The following ARMC6 variants were observed in gnomAD, a reference collection of about 807,000 sequenced individuals.
ARMC6 encodes the protein armadillo repeat-containing protein 6.
A neutral mutation model predicts 49.2 loss-of-function variants in ARMC6; 43 were observed. The ratio of observed to expected loss-of-function variants is 0.87; its 90% CI spans 0.69 to 1.13. The LOEUF (loss-of-function observed/expected upper bound fraction) is 1.13, where lower values mean the gene tolerates loss of function less well. ARMC6 is among the 50% of genes most tolerant of loss of function. The pLI is 0.00. For synonymous variants in ARMC6, 262 were observed against 289.6 expected, an observed-to-expected ratio of 0.90 and a Z score of 0.97; for missense variants, 627 against 682.0, an observed-to-expected ratio of 0.92 and a Z score of 0.90.
chr19:19,053,785 C>T (rs1327376809), intron 5 of ARMC6, among the ~76,000 whole-genome samples: 2 of 151,940 alleles, frequency 1.3e-5, no homozygotes, highest in African/African-American at 4.8e-5. Context: ...TCTGGAGTTT[C>T]CTGTTGCACT....
intron 5 of ARMC6, among the ~76,000 whole-genome samples, chr19:19,052,900 A>C (rs1471843176): frequency 6.6e-6 from 1 of 152,216 alleles, no homozygotes; most frequent in Non-Finnish European, 1.5e-5. Flanking sequence ...GCTGAAAATG[A>C]GTCCCGACCT....
chr19:19,051,720 C>T lies in ARMC6; in HGVS notation c.378C>T (p.Ala126=). The T allele has an allele frequency of 6.2e-7, 1 of 1,614,028 alleles. No individual in the cohort carries two copies. Among genetic ancestry groups the T allele is most frequent in the Non-Finnish European group, 8.5e-7 (1 of 1,180,044 alleles). ...RFCDQCKQDK[A]CRFLAAQKGA... The stretch of plus-strand genomic sequence containing the variant: ...GCGACCAGTGCAAACAGGACAAGGC[C>T]TGCCGCTTCCTCGCGGCCCAGAAGG... Residue 126 remains alanine (A), a synonymous_variant, in exon 5 of 9, where the codon GCC becomes GCT. Coordinates refer to ENST00000535612, the MANE Select transcript of ARMC6 (RefSeq NM_001199196.2).
In ARMC6 at chr19:19,040,793, G is replaced by A. The variant is rs751393265; in HGVS notation, c.30-1918G>A. The A allele has an allele frequency of 9.1e-5, 40 of 441,034 alleles. 1 individual carries two copies. The East Asian group carries it at 1.5e-3, about 17-fold the overall frequency. 27.3% of individuals were successfully genotyped at this position (441,034 alleles called of 1,614,324 possible). A position where few individuals can be genotyped will look rare whatever the true frequency, so the allele number is the denominator to read the frequency against. ...CTCCCTGATTGCTGGGATTACAGAC[G>A]TGAGCCACCACACCTGGCCCAGATT... On this transcript the variant is annotated intron_variant, in intron 2 of 8. Transcript: ENST00000535612.
At chr19:19,045,259 C>T (rs955393697) in intron 4 of ARMC6, among the ~76,000 whole-genome samples, 24 of 152,058 alleles carry the variant, frequency 1.6e-4, no homozygotes, top group Non-Finnish European at 2.5e-4. Flanking sequence ...GTTATCTGCC[C>T]GCGTTGGCCT....
chr19:19,053,817 A>G (rs925687198), intron 5 of ARMC6, among the ~76,000 whole-genome samples: 1 of 148,050 alleles, frequency 6.8e-6, no homozygotes, highest in Admixed American at 6.8e-5. Flanking sequence ...TTCCTACCCC[A>G]TGATCATAAA....
Position 19,044,042 on chromosome 19 carries a change from G to A in ARMC6, c.247G>A (p.Gly83Arg), listed in dbSNP as rs1156636524. The change falls in exon 4 of 9, where the codon GGA (glycine) becomes AGA (arginine). Residue 83 changes from glycine (G) to arginine (R), a missense_variant. Transcript: ENST00000535612. ...VKTAPKVSAD[G>R]SQEPTHDILQ... ...GACGGCACCTAAAGTCTCTGCAGAC[G>A]GATCCCAGGAGCCCACACATGACAT... 4 of 1,614,130 alleles carry A rather than the reference G, an allele frequency of 2.5e-6. No homozygotes were observed. Among genetic ancestry groups the A allele is most frequent in the Non-Finnish European group, 3.4e-6 (4 of 1,179,996 alleles).
In ARMC6 at chr19:19,033,808, T is replaced by G. The variant is rs879721464; in HGVS notation, c.-202T>G. Reference sequence around the variant, plus strand: ...GTTATCGTGAGCGTCCGCGAGTCTCTGGGAGGCCAAGCCTAGGGGCGCCAC... The same window carrying G: ...GTTATCGTGAGCGTCCGCGAGTCTCGGGGAGGCCAAGCCTAGGGGCGCCAC... On this transcript the variant is annotated 5_prime_UTR_variant, in exon 1 of 9. Coordinates refer to ENST00000535612, the MANE Select transcript of ARMC6 (RefSeq NM_001199196.2). 2.0e-5 allele frequency: 5 copies of G among 253,572 alleles called. No individual in the cohort carries two copies. Among genetic ancestry groups the G allele is most frequent in the Non-Finnish European group, 3.0e-5 (4 of 132,784 alleles). The allele number at this position is 253,572 out of a possible 1,614,324, so 15.7% of individuals were successfully genotyped here. A position where few individuals can be genotyped will look rare whatever the true frequency, so the allele number is the denominator to read the frequency against.
At chr19:19,045,493 C>CTTCTTTTTTTTTTTTTT (rs2059442078) in intron 4 of ARMC6, among the ~76,000 whole-genome samples, 7 of 89,114 alleles carry the variant, frequency 7.9e-5, no homozygotes, top group African/African-American at 2.9e-4. Flanking sequence ...ATGCTAAATT[C>CTTCTTTTTTTTTTTTTT]TTTTTTTTTT....
chr19:19,054,985 G>T (rs2059531270), intron 6 of ARMC6, among the ~76,000 whole-genome samples: 1 of 152,216 alleles, frequency 6.6e-6, no homozygotes, highest in Non-Finnish European at 1.5e-5. Context: ...CCTACCCTGG[G>T]TCTGTGGCCG....
In ARMC6 at chr19:19,057,500, CTCA is replaced by C; in HGVS notation, c.1383_1385del (p.Ile461del). On this transcript the variant is annotated inframe_deletion, in exon 9 of 9. Transcript: ENST00000535612. ...CATCCTGGACCTGGGGGCTGAGGCA[CTCA>C]TCATGCAGGCCCGATCTGCCCACCG... The C allele has an allele frequency of 6.2e-7, 1 of 1,614,096 alleles. No homozygotes were observed. The highest frequency in any genetic ancestry group is 8.5e-7 in the Non-Finnish European group (1 of 1,180,030).
chr19:19,048,118 G>A (rs2059466232), intron 4 of ARMC6, among the ~76,000 whole-genome samples: 1 of 152,110 alleles, frequency 6.6e-6, no homozygotes, highest in South Asian at 2.1e-4. Context: ...AGCCCAGGCA[G>A]GTGGATCACC....
chr19:19,051,931 T>C lies in ARMC6; in HGVS notation c.589T>C (p.Ser197Pro). 1 of 1,614,134 alleles carries C rather than the reference T, an allele frequency of 6.2e-7. No individual in the cohort carries two copies. Among genetic ancestry groups the C allele is most frequent in the Non-Finnish European group, 8.5e-7 (1 of 1,180,030 alleles). Reference sequence around the variant, plus strand: ...TGCTGATGAGGCTGACCTGACCTGCTCTGGGATCCGCTGTGTGCGTCACGC... The same window carrying C: ...TGCTGATGAGGCTGACCTGACCTGCCCTGGGATCCGCTGTGTGCGTCACGC... ...QNADEADLTC[S>P]GIRCVRHACL... The change falls in exon 5 of 9, where the codon TCT (serine) becomes CCT (proline). Residue 197 changes from serine to proline, a missense_variant. Transcript: ENST00000535612.
intron 2 of ARMC6, among the ~76,000 whole-genome samples, chr19:19,035,558 T>C (rs1029021514): frequency 6.6e-6 from 1 of 152,184 alleles, no homozygotes. Flanking sequence ...CTAGGGGACC[T>C]TGGAGGACTC....
chr19:19,054,174 C>T lies in ARMC6; in HGVS notation c.876C>T (p.Ile292=), dbSNP rs142816550. ...CAGCGTTCCTGGATAACCCTGGCAT[C>T]CTGAGCGAGCTCTGTGGAACCCTGT... ...ATKAFLDNPG[I]LSELCGTLSR... is the part of the protein sequence containing the mutation. Residue 292 remains isoleucine (I), a synonymous_variant, in exon 6 of 9, where the codon ATC becomes ATT. Transcript: ENST00000535612. The T allele has an allele frequency of 0.017, 27,073 of 1,595,752 alleles. 315 individuals carry two copies. The highest frequency in any genetic ancestry group is 0.019 in the Middle Eastern group (114 of 5,976).
chr19:19,045,041 C>CA (rs2059438042), intron 4 of ARMC6, among the ~76,000 whole-genome samples: 1 of 152,114 alleles, frequency 6.6e-6, no homozygotes, highest in African/African-American at 2.4e-5. Flanking sequence ...GACAGAGTCT[C>CA]ACTCTGTTGC....
In ARMC6 at chr19:19,034,250, C is replaced by G; in HGVS notation, c.29+12C>G. The G allele has an allele frequency of 6.3e-7, 1 of 1,593,214 alleles. No homozygotes were observed. Among genetic ancestry groups the G allele is most frequent in the Non-Finnish European group, 8.5e-7 (1 of 1,177,580 alleles). On this transcript the variant is annotated intron_variant, in intron 2 of 8. Coordinates refer to ENST00000535612, the MANE Select transcript of ARMC6 (RefSeq NM_001199196.2). ...TGCTCTAGATACAGGTAATGGTGTG[C>G]AAATAATAACAGAGTGATGGGACGG...
At chr19:19,045,606 G>A (rs1292897484) in intron 4 of ARMC6, among the ~76,000 whole-genome samples, 1 of 148,544 alleles carries the variant, frequency 6.7e-6, no homozygotes, top group Admixed American at 6.9e-5. Context: ...TCCTGCCTCA[G>A]CCTCACAAGT....
At position 19,054,166 on chromosome 19, in the gene ARMC6, C is replaced by A. The variant is rs750607969; in HGVS notation, c.868C>A (p.Pro290Thr). The change falls in exon 6 of 9, where the codon CCT becomes ACT. Residue 290 changes from proline to threonine, a missense_variant. Physicochemically the swap from Pro to Thr is conservative, Grantham distance 38. Coordinates refer to ENST00000535612, the MANE Select transcript of ARMC6 (RefSeq NM_001199196.2). ...IEATKAFLDN[P>T]GILSELCGTL... ...TCTCCCTGCAGCGTTCCTGGATAAC[C>A]CTGGCATCCTGAGCGAGCTCTGTGG... 3 of 1,589,172 alleles carry A rather than the reference C, an allele frequency of 1.9e-6. No homozygotes were observed. Among genetic ancestry groups the A allele is most frequent in the Admixed American group, 3.5e-5 (2 of 56,368 alleles).
At chr19:19,036,585 A>G (rs1480688604) in intron 2 of ARMC6, among the ~76,000 whole-genome samples, 2 of 152,128 alleles carry the variant, frequency 1.3e-5, no homozygotes, top group Non-Finnish European at 2.9e-5. Context: ...CTTACTCCCT[A>G]CTGAGAAACT....
Sources: gnomAD v4.1 joint callset for allele counts (sites outside exome capture counted in the v4.1 genomes callset) on GRCh38, gnomAD v4.1.1 for gene constraint, MANE v1.5 for transcripts, NCBI Gene and HGNC (gene_info 2026-07-23, HGNC 2026-07-21) for gene names.